SYT1: variants seen among roughly 807,000 people sequenced by gnomAD.
SYT1 encodes synaptotagmin-1.
In SYT1, 8 loss-of-function variants were observed where a neutral mutation model predicts 44.8. The ratio of observed to expected loss-of-function variants is 0.18; its 90% CI spans 0.10 to 0.32. The LOEUF is 0.32. SYT1 is among the 10% of genes least tolerant of loss of function. SYT1 has a pLI of 1.00. For synonymous variants in SYT1, 154 were observed against 188.8 expected (o/e 0.82, Z 1.51); for missense variants, 286 against 509.3 (o/e 0.56, Z 4.22).
At chr12:79,167,276 A>G (rs905469308) in intron 3 of SYT1, among the ~76,000 whole-genome samples, 3 of 152,090 alleles carry the variant, frequency 2.0e-5, no homozygotes, top group African/African-American at 2.4e-5. Flanking sequence ...GATATAAAGG[A>G]AATAAACCCA....
At chr12:79,339,235 G>T (rs112125779) in intron 8 of SYT1, among the ~76,000 whole-genome samples, 1 of 152,158 alleles carries the variant, frequency 6.6e-6, no homozygotes, top group African/African-American at 2.4e-5. Flanking sequence ...ATCCTTGAAG[G>T]AATTGCCACA....
chr12:79,404,875 C>A (rs1389821397), intron 9 of SYT1, among the ~76,000 whole-genome samples: 2 of 152,080 alleles, frequency 1.3e-5, no homozygotes, highest in Non-Finnish European at 2.9e-5. Context: ...TCTAGATGTA[C>A]CCTCTTTGTG....
At chr12:79,109,954 G>A (rs1471453447) in intron 3 of SYT1, among the ~76,000 whole-genome samples, 1 of 152,204 alleles carries the variant, frequency 6.6e-6, no homozygotes, top group African/African-American at 2.4e-5. Flanking sequence ...TCTCAGATGA[G>A]ATATGAGAGA....
At chr12:79,313,236 C>A (rs1465697221) in intron 8 of SYT1, among the ~76,000 whole-genome samples, 1 of 152,182 alleles carries the variant, frequency 6.6e-6, no homozygotes, top group Non-Finnish European at 1.5e-5. Context: ...CATAGGTTCC[C>A]TCCCAGTCCC....
At chr12:79,209,760 T>TA (rs1394526384) in intron 3 of SYT1, among the ~76,000 whole-genome samples, 3 of 152,146 alleles carry the variant, frequency 2.0e-5, no homozygotes, top group African/African-American at 7.2e-5. Flanking sequence ...GGCCCTCACT[T>TA]ACGGATTCTA....
chr12:79,354,158 G>A (rs181265981), intron 9 of SYT1, among the ~76,000 whole-genome samples: 11 of 152,286 alleles, frequency 7.2e-5, no homozygotes, highest in Admixed American at 2.0e-4. Context: ...GGATGGGAGA[G>A]ATGTGGGGAT....
At chr12:78,891,501 G>A (rs910357419) in intron 1 of SYT1, among the ~76,000 whole-genome samples, 1 of 151,820 alleles carries the variant, frequency 6.6e-6, no homozygotes, top group African/African-American at 2.4e-5. Context: ...ATATCTGTTT[G>A]ATTAAAGGAA....
chr12:79,250,838 G>GT (rs1055450204), intron 4 of SYT1, among the ~76,000 whole-genome samples: 33 of 152,220 alleles, frequency 2.2e-4, no homozygotes, highest in Admixed American at 5.9e-4. Context: ...TCAGCATTTC[G>GT]TTTTTTCTTT....
chr12:79,014,969 C>A (rs1035601008), intron 2 of SYT1, among the ~76,000 whole-genome samples: 3 of 151,832 alleles, frequency 2.0e-5, no homozygotes, highest in Non-Finnish European at 4.4e-5. Flanking sequence ...GGATAAAAAA[C>A]CAAACACCGC....
At chr12:78,884,037 T>C (rs1874602579) in intron 1 of SYT1, among the ~76,000 whole-genome samples, 1 of 146,620 alleles carries the variant, frequency 6.8e-6, no homozygotes, top group African/African-American at 2.5e-5. Flanking sequence ...CTCAATCTAA[T>C]AATATATAAA....
chr12:79,235,852 A>T (rs1296848249), intron 4 of SYT1, among the ~76,000 whole-genome samples: 1 of 152,134 alleles, frequency 6.6e-6, no homozygotes, highest in African/African-American at 2.4e-5. Flanking sequence ...TCTCTTCTAG[A>T]TTTGTTCAAC....
chr12:79,110,134 C>T (rs1021536971), intron 3 of SYT1, among the ~76,000 whole-genome samples: 7 of 152,216 alleles, frequency 4.6e-5, no homozygotes, highest in African/African-American at 1.7e-4. Flanking sequence ...CTCCATTTCT[C>T]AAGAAGAGTA....
chr12:79,383,301 A>T (rs1884301318), intron 9 of SYT1, among the ~76,000 whole-genome samples: 1 of 152,226 alleles, frequency 6.6e-6, no homozygotes, highest in Admixed American at 6.5e-5. Flanking sequence ...AAAGGTAAGT[A>T]AGTATTTGTG....
chr12:79,044,480 G>C lies in SYT1; in HGVS notation c.-83-2817G>C, dbSNP rs1177239900. On this transcript the variant is annotated intron_variant, in intron 2 of 10. Transcript: ENST00000261205. ...CGAGCCTTGGTTTTCAGCTCCATCAGCTCCTTTAAGCACTTCTCTGTATTG... is the reference window on the plus strand; with the variant it reads ...CGAGCCTTGGTTTTCAGCTCCATCACCTCCTTTAAGCACTTCTCTGTATTG... Among the ~76,000 whole-genome samples the C allele has an allele frequency of 7.7e-3, 1,134 of 148,012 alleles. 16 individuals carry two copies. The highest frequency in any genetic ancestry group is 0.027 in the African/African-American group (1,066 of 39,678).
At chr12:79,340,013 CTG>C (rs1882287887) in intron 8 of SYT1, among the ~76,000 whole-genome samples, 1 of 152,128 alleles carries the variant, frequency 6.6e-6, no homozygotes, top group Admixed American at 6.5e-5. Context: ...GGGCTCTGTT[CTG>C]TTCCATTGGT....
chr12:79,271,558 T>C (rs1385084962), intron 4 of SYT1, among the ~76,000 whole-genome samples: 1 of 152,168 alleles, frequency 6.6e-6, no homozygotes, highest in Non-Finnish European at 1.5e-5. Context: ...ATAATAAGCT[T>C]CATGATTGCA....
intron 4 of SYT1, among the ~76,000 whole-genome samples, chr12:79,250,714 A>G (rs974765937): frequency 6.6e-6 from 1 of 152,102 alleles, no homozygotes; most frequent in African/African-American, 2.4e-5. Flanking sequence ...GGGGAACTCA[A>G]CTTCAACTTG....
chr12:79,140,483 T>C (rs1487594289), intron 3 of SYT1, among the ~76,000 whole-genome samples: 3 of 152,224 alleles, frequency 2.0e-5, no homozygotes, highest in Non-Finnish European at 4.4e-5. Context: ...ATATATTGTC[T>C]TTACTGTGTG....
At chr12:79,129,132 T>G (rs1478026418) in intron 3 of SYT1, among the ~76,000 whole-genome samples, 1 of 152,206 alleles carries the variant, frequency 6.6e-6, no homozygotes, top group African/African-American at 2.4e-5. Flanking sequence ...TGGTGAAAAT[T>G]TTTAAAAATG....
Sources: gnomAD v4.1 joint callset for allele counts (sites outside exome capture counted in the v4.1 genomes callset) on GRCh38, gnomAD v4.1.1 for gene constraint, MANE v1.5 for transcripts, NCBI Gene and HGNC (gene_info 2026-07-23, HGNC 2026-07-21) for gene names.